Variants in GFI1B observed in about 807,000 individuals in gnomAD.
The protein encoded by GFI1B is zinc finger protein Gfi-1b.
GFI1B carries 20 observed loss-of-function variants against 35.3 expected under a neutral mutation model. That is an observed-to-expected ratio of 0.57 (90% CI 0.40 to 0.82). GFI1B has a LOEUF of 0.82. Ranked by LOEUF, GFI1B falls within the 40% of genes least tolerant of loss-of-function variation. The probability of loss-of-function intolerance (pLI) is 0.00; values close to 1 mark genes in which losing one functional copy is unlikely to be tolerated. For synonymous variants in GFI1B, 178 were observed against 177.6 expected (o/e 1.00, Z -0.02); for missense variants, 430 against 446.3 (o/e 0.96, Z 0.33).
chr9:132,966,712 T>C (rs1366797114), intron 1 of GFI1B, among the ~76,000 whole-genome samples: 11 of 152,200 alleles, frequency 7.2e-5, no homozygotes, highest in African/African-American at 2.2e-4. Context: ...AATTCAGTTA[T>C]GATGGAGAGA....
At chr9:132,945,708 A>C (rs987824350) in intron 1 of GFI1B, 1 of 154,148 alleles carries the variant, frequency 6.5e-6, no homozygotes, top group Non-Finnish European at 1.5e-5. Context: ...GTGAAATACT[A>C]GGTCGGTGCA....
chr9:132,956,617 A>G (rs1048224981), intron 1 of GFI1B, among the ~76,000 whole-genome samples: 1 of 152,266 alleles, frequency 6.6e-6, no homozygotes, highest in Non-Finnish European at 1.5e-5. Flanking sequence ...CATTCAAAAT[A>G]ACACATATAT....
intron 1 of GFI1B, among the ~76,000 whole-genome samples, chr9:132,955,435 G>A (rs1848267858): frequency 6.6e-6 from 1 of 152,104 alleles, no homozygotes. Context: ...GACTATGGGT[G>A]CATGTCACCA....
chr9:132,965,114 T>C (rs769435597), intron 1 of GFI1B, among the ~76,000 whole-genome samples: 15 of 152,206 alleles, frequency 9.9e-5, no homozygotes, highest in Non-Finnish European at 2.1e-4. Context: ...TTGTTTAGAT[T>C]GACAAAGTCA....
chr9:132,984,988 G>A (rs558107013), intron 1 of GFI1B, among the ~76,000 whole-genome samples: 92 of 149,634 alleles, frequency 6.1e-4, no homozygotes, highest in African/African-American at 2.0e-3. Context: ...CCTCACTGCT[G>A]TTCTGAAGCA....
At chr9:132,965,762 C>G (rs1476854292) in intron 1 of GFI1B, among the ~76,000 whole-genome samples, 1 of 152,178 alleles carries the variant, frequency 6.6e-6, no homozygotes, top group Admixed American at 6.5e-5. Flanking sequence ...CAGAAGGAAC[C>G]AATCCTGCCG....
intron 1 of GFI1B, among the ~76,000 whole-genome samples, chr9:132,960,277 G>A (rs1848343235): frequency 6.6e-6 from 1 of 152,216 alleles, no homozygotes; most frequent in South Asian, 2.1e-4. Flanking sequence ...AAGCAGGGAA[G>A]CAAGACCACA....
chr9:132,989,267 G>GAA lies in GFI1B; in HGVS notation c.648+69_648+70insAA. The GAA allele has an allele frequency of 1.3e-6, 2 of 1,496,586 alleles. No homozygotes were observed. The highest frequency in any genetic ancestry group is 1.8e-6 in the Non-Finnish European group (2 of 1,086,102). 92.7% of individuals were successfully genotyped at this position (1,496,586 alleles called of 1,614,324 possible). On this transcript the variant is annotated intron_variant, in intron 5 of 6. Transcript: ENST00000372122. The surrounding 1 kb of genome is among the most constrained non-coding windows in gnomAD (Gnocchi z 6.2). ...TCTGTGCTTCCCCAGGGAGCCTGGG[G>GAA]GCTGTGGCTGGGTCCCTCCCCCTGC...
chr9:132,982,088 G>T (rs767615463), intron 1 of GFI1B, among the ~76,000 whole-genome samples: 15 of 152,298 alleles, frequency 9.8e-5, no homozygotes, highest in East Asian at 3.9e-4. Flanking sequence ...AAGTCAAAAA[G>T]GTTCTCTGTA....
chr9:132,968,125 T>TATTTG (rs1246268911), intron 1 of GFI1B, among the ~76,000 whole-genome samples: 1 of 144,850 alleles, frequency 6.9e-6, no homozygotes, highest in Non-Finnish European at 1.5e-5. Context: ...TTTATTTATT[T>TATTTG]ATTTGATTTG....
intron 2 of GFI1B, among the ~76,000 whole-genome samples, chr9:132,973,280 C>T (rs1026474262): frequency 2.6e-5 from 4 of 152,220 alleles, no homozygotes; most frequent in Non-Finnish European, 4.4e-5. Context: ...CCCCCAATAT[C>T]CCACGACCCC....
At position 132,989,364 on chromosome 9, in the gene GFI1B, C is replaced by A. The variant is rs1414683418; in HGVS notation, c.648+166C>A. On this transcript the variant is annotated intron_variant, in intron 5 of 6. Coordinates refer to ENST00000372122, the MANE Select transcript of GFI1B (RefSeq NM_001377304.1). The surrounding 1 kb of genome is among the most constrained non-coding windows in gnomAD (Gnocchi z 6.2). ...CCTGGGTCTGGGTCTCCAACACCTG[C>A]CCTTAACAAACTTCAGACTCTTAAC... Among the ~76,000 whole-genome samples the A allele has an allele frequency of 6.6e-6, 1 of 152,132 alleles. No individual in the cohort carries two copies. Among genetic ancestry groups the A allele is most frequent in the Non-Finnish European group, 1.5e-5 (1 of 68,016 alleles).
At chr9:132,962,370 C>A in intron 1 of GFI1B, 1 of 224,824 alleles carries the variant, frequency 4.4e-6, no homozygotes, top group Non-Finnish European at 9.1e-6. Context: ...AACTCCTGAC[C>A]TCAGGTGATC....
rs202104252 is a variant in GFI1B at position 132,987,354 on chromosome 9, C to A, written c.173C>A (p.Thr58Asn). 2 of 1,614,100 alleles carry A rather than the reference C, an allele frequency of 1.2e-6. No homozygotes were observed. The highest frequency in any genetic ancestry group is 1.1e-5 in the South Asian group (1 of 91,094). ...TTCCCAAACCAGTGCCTGGACTGGACCAACCTCAAACGAGAGCCGGAGCTG... is the reference window on the plus strand; with the variant it reads ...TTCCCAAACCAGTGCCTGGACTGGAACAACCTCAAACGAGAGCCGGAGCTG... ...TLFPNQCLDW[T>N]NLKREPELEQ... is the part of the protein sequence containing the mutation. Residue 58 changes from threonine (T) to asparagine (N), a missense_variant, in exon 3 of 7, where the codon ACC (threonine) becomes AAC (asparagine). By Grantham distance (65) the Thr-to-Asn change is moderately conservative (BLOSUM62 0). Coordinates refer to ENST00000372122, the MANE Select transcript of GFI1B (RefSeq NM_001377304.1).
In GFI1B at chr9:132,991,069, CT is replaced by C; in HGVS notation, c.*20del. On this transcript the variant is annotated 3_prime_UTR_variant, in exon 7 of 7. Transcript: ENST00000372122. The stretch of plus-strand genomic sequence containing the variant: ...CAAGTGAGGCTGCGCCGGCTCCCAG[CT>C]CCTGGCCAGCCTGCCCTGCGGTCCT... 1 of 1,609,428 alleles carries C rather than the reference CT, an allele frequency of 6.2e-7. No individual in the cohort carries two copies. The highest frequency in any genetic ancestry group is 8.5e-7 in the Non-Finnish European group (1 of 1,178,298).
intron 1 of GFI1B, among the ~76,000 whole-genome samples, chr9:132,947,419 AAAAAAAAAAAAG>A (rs991921654): frequency 2.1e-5 from 3 of 141,922 alleles, no homozygotes; most frequent in African/African-American, 7.9e-5. Context: ...GAGCAAAAAA[AAAAAAAAAAAAG>A]AAAGAAAAAG....
At chr9:132,972,434 A>G (rs148808774) in intron 1 of GFI1B, among the ~76,000 whole-genome samples, 1,929 of 151,752 alleles carry the variant, frequency 0.013, 32 homozygotes, top group Non-Finnish European at 0.019. Flanking sequence ...AAACAAACAA[A>G]CAAAAATTAG....
In GFI1B at chr9:132,972,547, G is replaced by A. The variant is rs1185050419; in HGVS notation, c.-700-178G>A. ...CGTGGCTGCAGTGAGCCATGATGGA[G>A]CCACTGCACTCCAGCCTGGGCGACA... is the stretch of plus-strand genomic sequence containing the variant. On this transcript the variant is annotated intron_variant, in intron 1 of 10. Coordinates refer to the GFI1B transcript ENST00000339463. Among the ~76,000 whole-genome samples the A allele has an allele frequency of 3.3e-5, 5 of 151,884 alleles. No homozygotes were observed. In the East Asian group the frequency reaches 5.8e-4, roughly 18 times the overall value.
rs528479020 is a variant in GFI1B, at chr9:132,989,988, G to A, written c.814+81G>A. ...GAGAGATGCATCAGAGGCCCCCAGC[G>A]TGAGGCTGGGGGCGGGGTCTAGTTA... is the stretch of plus-strand genomic sequence containing the variant. On this transcript the variant is annotated intron_variant, in intron 6 of 6. Coordinates refer to ENST00000372122, the MANE Select transcript of GFI1B (RefSeq NM_001377304.1). This position sits in a 1 kb window ranked among gnomAD's most constrained non-coding sequence, Gnocchi z 6.2. The A allele has an allele frequency of 9.4e-5, 118 of 1,249,936 alleles. No homozygotes were observed. Among genetic ancestry groups the A allele is most frequent in the South Asian group, 9.2e-4 (75 of 81,332 alleles). The allele number at this position is 1,249,936 out of a possible 1,614,324, so 77.4% of individuals were successfully genotyped here. A position where few individuals can be genotyped will look rare whatever the true frequency, so the allele number is the denominator to read the frequency against.
Sources: allele counts gnomAD v4.1 joint callset (sites outside exome capture counted in the v4.1 genomes callset), GRCh38; gene constraint gnomAD v4.1.1; non-coding constraint Gnocchi (gnomAD v3.1); transcripts MANE v1.5; gene names NCBI Gene and HGNC (gene_info 2026-07-23, HGNC 2026-07-21).